Variants in TTC29 observed in about 807,000 individuals in gnomAD.
The protein encoded by TTC29 is tetratricopeptide repeat domain 29.
In TTC29, 49 loss-of-function variants were observed where a neutral mutation model predicts 58.1. The ratio of observed to expected loss-of-function variants is 0.84; its 90% CI spans 0.67 to 1.07. The LOEUF is 1.07. Ranked by LOEUF, TTC29 falls within the 50% of genes least tolerant of loss-of-function variation. TTC29 has a pLI of 0.00. For missense variants in TTC29, 582 were observed against 555.6 expected, an observed-to-expected ratio of 1.05 and a Z score of -0.48; for synonymous variants, 209 against 196.8, an observed-to-expected ratio of 1.06 and a Z score of -0.52.
At chr4:146,744,162 A>G (rs1243668539) in intron 11 of TTC29, among the ~76,000 whole-genome samples, 4 of 152,216 alleles carry the variant, frequency 2.6e-5, no homozygotes, top group Non-Finnish European at 5.9e-5. Context: ...TTTTTACTCC[A>G]AATGAAGAAG....
At chr4:146,775,870 CCT>C in intron 11 of TTC29, among the ~76,000 whole-genome samples, 1 of 152,036 alleles carries the variant, frequency 6.6e-6, no homozygotes, top group East Asian at 1.9e-4. Flanking sequence ...GCTTTCTCGC[CCT>C]CTCTTTTGGG....
intron 11 of TTC29, among the ~76,000 whole-genome samples, chr4:146,728,795 G>GTA (rs1210329336): frequency 6.3e-5 from 7 of 111,434 alleles, no homozygotes; most frequent in Non-Finnish European, 1.1e-4. Context: ...GTATATATAC[G>GTA]TATATATACA....
intron 11 of TTC29, among the ~76,000 whole-genome samples, chr4:146,780,756 G>A (rs1748535834): frequency 6.6e-6 from 1 of 151,862 alleles, no homozygotes; most frequent in Non-Finnish European, 1.5e-5. Context: ...CAACAGTCCT[G>A]TAAACTTAGA....
At chr4:146,864,172 A>G (rs543287465) in intron 8 of TTC29, among the ~76,000 whole-genome samples, 1 of 152,110 alleles carries the variant, frequency 6.6e-6, no homozygotes, top group East Asian at 1.9e-4. Context: ...CCAATTCTAC[A>G]TATCCAAAAT....
At chr4:146,707,272 T>C in intron 12 of TTC29, 84 bp from the exon 13 acceptor site, 2 of 1,030,438 alleles carry the variant, frequency 1.9e-6, no homozygotes, top group Non-Finnish European at 2.7e-6. Context: ...ATTTGTTTTC[T>C]GTAATTTTCA....
At chr4:146,760,930 C>G (rs974972196) in intron 11 of TTC29, among the ~76,000 whole-genome samples, 8 of 150,936 alleles carry the variant, frequency 5.3e-5, no homozygotes, top group African/African-American at 1.7e-4. Flanking sequence ...ACAGCATCTA[C>G]AGTGACCTGG....
chr4:146,935,293 G>A (rs1005453318), intron 4 of TTC29, among the ~76,000 whole-genome samples: 4 of 152,128 alleles, frequency 2.6e-5, no homozygotes, highest in African/African-American at 9.7e-5. Flanking sequence ...AAACTAGACA[G>A]AGCATATGTG....
intron 4 of TTC29, among the ~76,000 whole-genome samples, chr4:146,928,576 G>A (rs1280183339): frequency 1.3e-5 from 2 of 152,180 alleles, no homozygotes; most frequent in African/African-American, 4.8e-5. Flanking sequence ...TACTGTTATA[G>A]GTGCTGGAGA....
chr4:146,712,030 C>T (rs887908529), intron 11 of TTC29, among the ~76,000 whole-genome samples: 1 of 151,732 alleles, frequency 6.6e-6, no homozygotes, highest in South Asian at 2.1e-4. Context: ...TAAATAAATA[C>T]ATAAATAAAT....
intron 4 of TTC29, among the ~76,000 whole-genome samples, chr4:146,918,668 T>C (rs1479165157): frequency 6.6e-6 from 1 of 151,184 alleles, no homozygotes; most frequent in Non-Finnish European, 1.5e-5. Flanking sequence ...GATAATTTCC[T>C]TAATAACATA....
chr4:146,869,060 G>A (rs1394626254), intron 7 of TTC29, among the ~76,000 whole-genome samples: 1 of 148,570 alleles, frequency 6.7e-6, no homozygotes, highest in Non-Finnish European at 1.5e-5. Context: ...AGGAGATGCT[G>A]GCACCATGCT....
chr4:146,880,766 C>T (rs752373434), intron 6 of TTC29, among the ~76,000 whole-genome samples: 16 of 151,934 alleles, frequency 1.1e-4, no homozygotes, highest in South Asian at 4.1e-4. Context: ...TTCTCCCAGC[C>T]GCTATTTTGA....
Position 146,923,627 on chromosome 4 carries a change from G to A in TTC29, c.176+13967C>T, listed in dbSNP as rs78286289. 1.7e-3 allele frequency among the ~76,000 whole-genome samples: 262 copies of A among 151,926 alleles called. 6 individuals carry two copies. In the East Asian group the frequency reaches 0.044, roughly 25 times the overall value. ...GAAGCCAGGAATGTGAAGAGACGCC[G>A]CTGTCAATGCTATTATGTAACATCA... On this transcript the variant is annotated intron_variant, in intron 4 of 12. Transcript: ENST00000325106.
rs911217250 is a variant in TTC29 at position 146,707,321 on chromosome 4, A to T, written c.1398-133T>A. The T allele has an allele frequency of 5.1e-6, 4 of 783,616 alleles. No individual in the cohort carries two copies. In the African/African-American group the frequency reaches 5.3e-5, roughly 10 times the overall value. The allele number at this position is 783,616 out of a possible 1,614,324, so 48.5% of individuals were successfully genotyped here. ...AATTAAAAATACTTAACCTTATGTG[A>T]CATTTGAAAATAAATCTGTGATTTT... On this transcript the variant is annotated intron_variant, in intron 12 of 12. Transcript: ENST00000325106.
intron 9 of TTC29, among the ~76,000 whole-genome samples, chr4:146,821,985 G>GTTTTTTGT (rs1751866437): frequency 9.1e-6 from 1 of 109,598 alleles, no homozygotes; most frequent in Non-Finnish European, 1.8e-5. Flanking sequence ...CATGTCTAGT[G>GTTTTTTGT]TTTTTTTTTT....
intron 8 of TTC29, among the ~76,000 whole-genome samples, chr4:146,851,506 C>T (rs575062077): frequency 6.6e-6 from 1 of 152,274 alleles, no homozygotes; most frequent in South Asian, 2.1e-4. Flanking sequence ...ATAAGCATCT[C>T]CCCTACCAGA....
At chr4:146,764,988 A>C (rs1490012073) in intron 11 of TTC29, among the ~76,000 whole-genome samples, 5 of 152,102 alleles carry the variant, frequency 3.3e-5, no homozygotes, top group Admixed American at 3.3e-4. Context: ...GTTAACTTTA[A>C]GTTTAGCCAT....
chr4:146,842,970 G>A (rs531418844), intron 8 of TTC29, among the ~76,000 whole-genome samples: 2 of 152,288 alleles, frequency 1.3e-5, no homozygotes, highest in African/African-American at 4.8e-5. Flanking sequence ...GGTGAGCAGA[G>A]AGGATGTTTC....
intron 11 of TTC29, among the ~76,000 whole-genome samples, chr4:146,713,654 T>A (rs1742696916): frequency 6.6e-6 from 1 of 152,154 alleles, no homozygotes; most frequent in Non-Finnish European, 1.5e-5. Context: ...ATCTGGTATA[T>A]ATCAATTCCC....
Sources: allele counts gnomAD v4.1 joint callset (sites outside exome capture counted in the v4.1 genomes callset), GRCh38; gene constraint gnomAD v4.1.1; transcripts MANE v1.5; gene names NCBI Gene and HGNC (gene_info 2026-07-23, HGNC 2026-07-21).